SMG7: variants seen among roughly 807,000 people sequenced by gnomAD.
SMG7 encodes the protein nonsense-mediated mRNA decay factor SMG7.
In SMG7, 34 loss-of-function variants were observed where a neutral mutation model predicts 148.2. That is an observed-to-expected ratio of 0.23 (90% CI 0.17 to 0.31). The LOEUF (loss-of-function observed/expected upper bound fraction) is 0.31, where lower values mean the gene tolerates loss of function less well. Ranked by LOEUF, SMG7 falls within the 10% of genes least tolerant of loss-of-function variation. The pLI is 1.00. For missense variants in SMG7, 1,114 were observed against 1,408.4 expected, an observed-to-expected ratio of 0.79 and a Z score of 3.35; for synonymous variants, 492 against 515.1, an observed-to-expected ratio of 0.96 and a Z score of 0.61.
At chr1:183,510,054 A>G (rs749845037) in intron 1 of SMG7, among the ~76,000 whole-genome samples, 4 of 152,210 alleles carry the variant, frequency 2.6e-5, no homozygotes, top group Non-Finnish European at 2.9e-5. Context: ...TTACTTGTTC[A>G]TCTTTACAAA....
At chr1:183,501,406 T>C (rs1007192718) in intron 1 of SMG7, 4 of 152,322 alleles carry the variant, frequency 2.6e-5, no homozygotes, top group Middle Eastern at 6.8e-3. Flanking sequence ...TCTTACTATA[T>C]TATACTCCCA....
intron 1 of SMG7, among the ~76,000 whole-genome samples, chr1:183,477,782 G>GTGCATATATACATGTGTATATGTT (rs1653001943): frequency 6.6e-6 from 1 of 151,972 alleles, no homozygotes; most frequent in East Asian, 1.9e-4. Flanking sequence ...GTGTGTATGT[G>GTGCATATATACATGTGTATATGTT]TGTATGTATA....
At position 183,533,673 on chromosome 1, in the gene SMG7, A is replaced by G; in HGVS notation, c.1007-3A>G. On this transcript the variant is annotated splice_region_variant and splice_polypyrimidine_tract_variant and intron_variant, in intron 9 of 22. Coordinates refer to ENST00000688051, the MANE Select transcript of SMG7 (RefSeq NM_001375584.1). ...TGCTTTTTGAATACATTTTTTTTTCAAGTGTCTTTTCTTGGCATCCTGTGC... is the reference window on the plus strand; with the variant it reads ...TGCTTTTTGAATACATTTTTTTTTCGAGTGTCTTTTCTTGGCATCCTGTGC... 6.3e-7 allele frequency: 1 copy of G among 1,588,834 alleles called. No homozygotes were observed. Among genetic ancestry groups the G allele is most frequent in the Non-Finnish European group, 8.6e-7 (1 of 1,168,824 alleles).
chr1:183,544,910 T>G lies in SMG7; in HGVS notation c.1988-20T>G. On this transcript the variant is annotated intron_variant, in intron 15 of 22. Transcript: ENST00000688051. ...TTTGCTGTTTCCTTAAAACTAAAGC[T>G]GTGTTCTTCTGTTTTGAAGGGTTTC... 1 of 1,596,940 alleles carries G rather than the reference T, an allele frequency of 6.3e-7. No homozygotes were observed. The highest frequency in any genetic ancestry group is 8.5e-7 in the Non-Finnish European group (1 of 1,170,452).
In SMG7 at chr1:183,472,579, C is replaced by T; in HGVS notation, c.-42C>T. 3 of 1,417,664 alleles carry T rather than the reference C, an allele frequency of 2.1e-6. No individual in the cohort carries two copies. The highest frequency in any genetic ancestry group is 2.5e-4 in the Middle Eastern group (1 of 4,034). 87.8% of individuals were successfully genotyped at this position (1,417,664 alleles called of 1,614,324 possible). On this transcript the variant is annotated 5_prime_UTR_variant, in exon 1 of 23. Transcript: ENST00000688051. Reference sequence around the variant, plus strand: ...GGCCGCTCCGAGGAGCCTGAGAGACCCACGGAGGCTTCGCGGGAAGACGCG... The same window carrying T: ...GGCCGCTCCGAGGAGCCTGAGAGACTCACGGAGGCTTCGCGGGAAGACGCG...
intron 1 of SMG7, among the ~76,000 whole-genome samples, chr1:183,498,280 C>G (rs927430794): frequency 2.6e-5 from 4 of 152,066 alleles, no homozygotes; most frequent in Non-Finnish European, 5.9e-5. Flanking sequence ...CCTGTAATCC[C>G]AGCACTTTGG....
intron 12 of SMG7, among the ~76,000 whole-genome samples, chr1:183,540,014 A>G (rs919575322): frequency 6.6e-6 from 1 of 152,182 alleles, no homozygotes; most frequent in Non-Finnish European, 1.5e-5. Context: ...TTCCAGCACT[A>G]TCCAGCTCCT....
chr1:183,486,047 C>T (rs531365985), intron 1 of SMG7, among the ~76,000 whole-genome samples: 1 of 152,274 alleles, frequency 6.6e-6, no homozygotes, highest in Admixed American at 6.5e-5. Flanking sequence ...TTGAAAATTT[C>T]CTTCTTCCAG....
intron 1 of SMG7, among the ~76,000 whole-genome samples, chr1:183,492,080 A>G (rs925510447): frequency 1.3e-5 from 2 of 152,202 alleles, no homozygotes; most frequent in Non-Finnish European, 2.9e-5. Flanking sequence ...AAGATTTAAC[A>G]TGAATTTTGG....
intron 1 of SMG7, 181 bp downstream of exon 1, chr1:183,472,830 G>T (rs974873700): frequency 4.4e-6 from 2 of 457,652 alleles, no homozygotes; most frequent in African/African-American, 2.0e-5. Context: ...TGGGTGCCTA[G>T]CCCCTACCGC....
rs190689273 is a variant in SMG7, at chr1:183,477,769, C to T, written c.29+5120C>T. Among the ~76,000 whole-genome samples, 141 of 150,314 alleles carry T rather than the reference C, an allele frequency of 9.4e-4. 3 individuals carry two copies. The highest frequency in any genetic ancestry group is 2.1e-4 in the Non-Finnish European group (14 of 67,472). ...GTGTGTGCATATGTGTGCATATATA[C>T]ATGTGTGTATGTGTGTATGTATACA... On this transcript the variant is annotated intron_variant, in intron 1 of 22. Coordinates refer to ENST00000688051, the MANE Select transcript of SMG7 (RefSeq NM_001375584.1).
intron 1 of SMG7, among the ~76,000 whole-genome samples, chr1:183,482,032 A>G (rs1242087602): frequency 6.6e-6 from 1 of 152,186 alleles, no homozygotes; most frequent in Non-Finnish European, 1.5e-5. Context: ...AGAAGAGTAT[A>G]GCAGGCAAAG....
chr1:183,522,785 T>G (rs1665040430), intron 4 of SMG7, among the ~76,000 whole-genome samples: 1 of 151,892 alleles, frequency 6.6e-6, no homozygotes, highest in African/African-American at 2.4e-5. Flanking sequence ...TTTTTTGTTT[T>G]TTTTTTTTAA....
At chr1:183,544,571 G>A (rs1485231167) in intron 15 of SMG7, 74 bp downstream of exon 15, 1 of 1,496,556 alleles carries the variant, frequency 6.7e-7, no homozygotes, top group Non-Finnish European at 9.2e-7. Context: ...TGAGAAATGT[G>A]TTTTCTGTTG....
intron 14 of SMG7, among the ~76,000 whole-genome samples, chr1:183,543,128 T>C (rs937188121): frequency 2.6e-5 from 4 of 152,130 alleles, no homozygotes; most frequent in Non-Finnish European, 4.4e-5. Context: ...TGCTCAGTTA[T>C]TTGTGACTTT....
At position 183,553,278 on chromosome 1, in the gene SMG7, G is replaced by T; in HGVS notation, c.*1347G>T. The T allele has an allele frequency of 7.5e-7, 1 of 1,341,470 alleles. No homozygotes were observed. Among genetic ancestry groups the T allele is most frequent in the Non-Finnish European group, 1.0e-6 (1 of 999,518 alleles). The allele number at this position is 1,341,470 out of a possible 1,614,324, so 83.1% of individuals were successfully genotyped here. A position where few individuals can be genotyped will look rare whatever the true frequency, so the allele number is the denominator to read the frequency against. On this transcript the variant is annotated 3_prime_UTR_variant, in exon 23 of 23. Transcript: ENST00000688051. ...GTAGAAACAGAAGGACAGCATTTCT[G>T]TTAGTCATTTCCTGGAAAAGTAATA...
At chr1:183,473,370 G>A (rs1018839127) in intron 1 of SMG7, among the ~76,000 whole-genome samples, 1 of 152,012 alleles carries the variant, frequency 6.6e-6, no homozygotes, top group African/African-American at 2.4e-5. Flanking sequence ...CATTAAGAGT[G>A]GTGTAAGGAA....
chr1:183,524,879 CCTT>C (rs763630526), intron 4 of SMG7, among the ~76,000 whole-genome samples: 4 of 151,956 alleles, frequency 2.6e-5, no homozygotes, highest in Non-Finnish European at 5.9e-5. Context: ...TGTTGTCTGT[CCTT>C]CTCTCCTTTC....
chr1:183,476,228 A>G (rs1652150418), intron 1 of SMG7, among the ~76,000 whole-genome samples: 1 of 152,160 alleles, frequency 6.6e-6, no homozygotes, highest in Admixed American at 6.5e-5. Flanking sequence ...GATGCCGAGT[A>G]TTGCTGAATG....
Sources: allele counts gnomAD v4.1 joint callset (sites outside exome capture counted in the v4.1 genomes callset), GRCh38; gene constraint gnomAD v4.1.1; transcripts MANE v1.5; gene names NCBI Gene and HGNC (gene_info 2026-07-23, HGNC 2026-07-21).